Variants in FRMD4A observed in about 807,000 individuals in gnomAD.
FRMD4A encodes the protein FERM domain-containing protein 4A.
Under a neutral mutation model 129.1 loss-of-function variants are expected in FRMD4A, and 29 were observed. The observed-to-expected ratio is 0.22, with a 90% CI of 0.17 to 0.31. The LOEUF (loss-of-function observed/expected upper bound fraction) is 0.31. Ranked by LOEUF, FRMD4A falls within the 10% of genes least tolerant of loss-of-function variation. The pLI is 1.00. For missense variants in FRMD4A, 1,272 were observed against 1,375.8 expected, an observed-to-expected ratio of 0.92 and a Z score of 1.19; for synonymous variants, 634 against 571.6, an observed-to-expected ratio of 1.11 and a Z score of -1.56.
intron 2 of FRMD4A, among the ~76,000 whole-genome samples, chr10:14,311,436 T>C (rs1003579510): frequency 2.0e-5 from 3 of 152,208 alleles, no homozygotes; most frequent in East Asian, 1.9e-4. Context: ...TCTGGTTCTA[T>C]AGGACCATGC....
At chr10:13,875,186 C>T (rs1420693525) in intron 2 of FRMD4A, among the ~76,000 whole-genome samples, 1 of 152,134 alleles carries the variant, frequency 6.6e-6, no homozygotes, top group Non-Finnish European at 1.5e-5. Flanking sequence ...TGGACACCGT[C>T]TTTATGAAAA....
At chr10:13,807,808 T>A (rs2093380600) in intron 4 of FRMD4A, among the ~76,000 whole-genome samples, 2 of 151,830 alleles carry the variant, frequency 1.3e-5, no homozygotes, top group Non-Finnish European at 2.9e-5. Flanking sequence ...TTCTTTTTTT[T>A]TTTTTTTGGA....
At chr10:13,974,549 C>T (rs1296080709) in intron 2 of FRMD4A, among the ~76,000 whole-genome samples, 2 of 152,052 alleles carry the variant, frequency 1.3e-5, no homozygotes, top group Non-Finnish European at 2.9e-5. Flanking sequence ...TTGATGGAGG[C>T]GGAGTCTCGC....
Position 14,325,011 on chromosome 10 carries a change from T to C in FRMD4A, c.45+5047A>G, listed in dbSNP as rs535309913. On this transcript the variant is annotated intron_variant, in intron 2 of 24. Coordinates refer to ENST00000357447, the MANE Select transcript of FRMD4A (RefSeq NM_018027.5). Reference sequence around the variant, plus strand: ...TCTGAGTCATCTTGGGCAAGCCCTTTGACTTCTCTGGACCCCAACTTCACC... The same window carrying C: ...TCTGAGTCATCTTGGGCAAGCCCTTCGACTTCTCTGGACCCCAACTTCACC... Among the ~76,000 whole-genome samples, 9 of 152,350 alleles carry C rather than the reference T, an allele frequency of 5.9e-5. No individual in the cohort carries two copies. The South Asian group carries it at 1.2e-3, about 21-fold the overall frequency.
At chr10:14,166,753 C>G (rs1841201491) in intron 2 of FRMD4A, among the ~76,000 whole-genome samples, 1 of 152,230 alleles carries the variant, frequency 6.6e-6, no homozygotes, top group African/African-American at 2.4e-5. Flanking sequence ...AATATTCTGC[C>G]TGATTGCCTT....
At chr10:14,211,813 G>A (rs1468125202) in intron 2 of FRMD4A, among the ~76,000 whole-genome samples, 1 of 152,228 alleles carries the variant, frequency 6.6e-6, no homozygotes. Flanking sequence ...AAACTGTCAT[G>A]CATTATAGCA....
intron 2 of FRMD4A, among the ~76,000 whole-genome samples, chr10:14,243,874 A>T (rs1432701608): frequency 2.6e-5 from 4 of 152,022 alleles, no homozygotes. Context: ...CTGCAATCTA[A>T]TTACATTCAA....
intron 2 of FRMD4A, among the ~76,000 whole-genome samples, chr10:14,060,194 C>T (rs79436246): frequency 0.05 from 7,587 of 152,086 alleles, 316 homozygotes; most frequent in East Asian, 0.13. Flanking sequence ...TGGCAAAAAC[C>T]AGAAAAAAAT....
chr10:14,273,501 A>G (rs750963351), intron 2 of FRMD4A, among the ~76,000 whole-genome samples: 2 of 152,200 alleles, frequency 1.3e-5, no homozygotes, highest in African/African-American at 2.4e-5. Context: ...GGGTCAGCTC[A>G]TGTAAGCTGA....
intron 6 of FRMD4A, among the ~76,000 whole-genome samples, chr10:13,772,795 C>T (rs2092494696): frequency 1.3e-5 from 2 of 152,002 alleles, no homozygotes; most frequent in South Asian, 2.1e-4. Flanking sequence ...GGATGGTTAC[C>T]AGAGGTTGGA....
At chr10:13,800,015 T>TA (rs10629467) in intron 4 of FRMD4A, among the ~76,000 whole-genome samples, 87 of 150,140 alleles carry the variant, frequency 5.8e-4, no homozygotes, top group African/African-American at 1.7e-3. Context: ...CCATCTCTAC[T>TA]AAAAAAAAAT....
chr10:14,177,497 T>C lies in FRMD4A; in HGVS notation c.45+152561A>G, dbSNP rs537175968. Among the ~76,000 whole-genome samples, 3 of 152,016 alleles carry C rather than the reference T, an allele frequency of 2.0e-5. No individual in the cohort carries two copies. In the South Asian group the frequency reaches 6.3e-4, roughly 32 times the overall value. ...CCCAATCATGTCCCCTTCTCAAGAGTTTTATCCTTGATATTAAAAAAAATA... is the reference window on the plus strand; with the variant it reads ...CCCAATCATGTCCCCTTCTCAAGAGCTTTATCCTTGATATTAAAAAAAATA... On this transcript the variant is annotated intron_variant, in intron 2 of 24. Transcript: ENST00000357447.
At chr10:13,690,888 G>C (rs1024956488) in intron 15 of FRMD4A, among the ~76,000 whole-genome samples, 5 of 152,196 alleles carry the variant, frequency 3.3e-5, no homozygotes, top group Non-Finnish European at 7.3e-5. Context: ...GGTTTTCTTA[G>C]GATTTCTCTT....
At chr10:14,146,130 G>T (rs1840062879) in intron 2 of FRMD4A, among the ~76,000 whole-genome samples, 2 of 152,142 alleles carry the variant, frequency 1.3e-5, no homozygotes, top group African/African-American at 2.4e-5. Context: ...AGAGTAAAAG[G>T]ACTCTTAGAG....
chr10:14,217,179 T>G (rs1302920106), intron 2 of FRMD4A, among the ~76,000 whole-genome samples: 2 of 152,190 alleles, frequency 1.3e-5, no homozygotes, highest in East Asian at 3.9e-4. Flanking sequence ...AGAGAGAATT[T>G]TAAAAGGTGT....
chr10:14,158,264 G>C (rs912918449), intron 2 of FRMD4A, among the ~76,000 whole-genome samples: 1 of 152,210 alleles, frequency 6.6e-6, no homozygotes. Flanking sequence ...TAGAGGAAAT[G>C]AGTGTTGGAG....
At chr10:14,088,262 C>A (rs929892434) in intron 2 of FRMD4A, among the ~76,000 whole-genome samples, 2 of 151,826 alleles carry the variant, frequency 1.3e-5, no homozygotes, top group Non-Finnish European at 2.9e-5. Flanking sequence ...GCCTGGGCAA[C>A]ATGACGAAAC....
chr10:14,095,461 T>C (rs1368497339), intron 2 of FRMD4A, among the ~76,000 whole-genome samples: 1 of 152,226 alleles, frequency 6.6e-6, no homozygotes, highest in Non-Finnish European at 1.5e-5. Context: ...GTCGATTGAA[T>C]TGGAAGGCTT....
At chr10:13,851,228 A>G (rs1165042286) in intron 3 of FRMD4A, among the ~76,000 whole-genome samples, 1 of 151,428 alleles carries the variant, frequency 6.6e-6, no homozygotes, top group Non-Finnish European at 1.5e-5. Context: ...CAAAACAAAA[A>G]AAGAAAAAGA....
Sources: gnomAD v4.1 joint callset for allele counts (sites outside exome capture counted in the v4.1 genomes callset) on GRCh38, gnomAD v4.1.1 for gene constraint, MANE v1.5 for transcripts, NCBI Gene and HGNC (gene_info 2026-07-23, HGNC 2026-07-21) for gene names.